PAK2: variants seen among roughly 807,000 people sequenced by gnomAD.
PAK2 encodes the protein serine/threonine-protein kinase PAK 2.
A neutral mutation model predicts 65.9 loss-of-function variants in PAK2; 21 were observed. The ratio of observed to expected loss-of-function variants is 0.32; its 90% CI spans 0.23 to 0.46. PAK2 has a LOEUF of 0.46. PAK2 is among the 20% of genes least tolerant of loss of function. PAK2 has a pLI of 1.00. For synonymous variants in PAK2, 204 were observed against 219.7 expected, an observed-to-expected ratio of 0.93 and a Z score of 0.63; for missense variants, 324 against 642.6, an observed-to-expected ratio of 0.50 and a Z score of 5.36.
At position 196,804,790 on chromosome 3, in the gene PAK2, A is replaced by ATG. The variant is rs368201549; in HGVS notation, c.437-547_437-546dup. ...GGCCTGTGCGTATGTAATATGTGAT[A>ATG]TGTGTGTGTGTGTGTGATATATATA... On this transcript the variant is annotated intron_variant, in intron 4 of 14. Coordinates refer to ENST00000327134, the MANE Select transcript of PAK2 (RefSeq NM_002577.4). Among the ~76,000 whole-genome samples the ATG allele has an allele frequency of 2.1e-3, 278 of 133,196 alleles. 1 individual carries two copies. Among genetic ancestry groups the ATG allele is most frequent in the African/African-American group, 7.5e-3 (254 of 34,024 alleles). The allele number at this position is 133,196 out of a possible 152,430, so 87.4% of individuals were successfully genotyped here.
intron 1 of PAK2, among the ~76,000 whole-genome samples, chr3:196,740,910 G>A (rs1485202737): frequency 6.6e-6 from 1 of 151,824 alleles, no homozygotes; most frequent in Non-Finnish European, 1.5e-5. Flanking sequence ...ATTCTTTAAA[G>A]ATAAGTCATC....
At chr3:196,804,821 A>G (rs1715531768) in intron 4 of PAK2, among the ~76,000 whole-genome samples, 1 of 34,338 alleles carries the variant, frequency 2.9e-5, no homozygotes, top group Non-Finnish European at 4.7e-5. Flanking sequence ...ATATATATAT[A>G]TATACACATA....
intron 2 of PAK2, among the ~76,000 whole-genome samples, chr3:196,796,987 C>T (rs191104153): frequency 6.6e-5 from 10 of 152,224 alleles, no homozygotes; most frequent in Admixed American, 1.3e-4. Flanking sequence ...CAATTATAAT[C>T]GGAGATTCCA....
chr3:196,797,568 A>G (rs1050309206), intron 2 of PAK2, among the ~76,000 whole-genome samples: 5 of 152,114 alleles, frequency 3.3e-5, no homozygotes, highest in Non-Finnish European at 7.4e-5. Context: ...CCTGACCAAC[A>G]TGGTGAAACC....
At position 196,829,414 on chromosome 3, in the gene PAK2, C is replaced by A; in HGVS notation, c.*1009C>A. On this transcript the variant is annotated 3_prime_UTR_variant, in exon 15 of 15. Coordinates refer to ENST00000327134, the MANE Select transcript of PAK2 (RefSeq NM_002577.4). Reference sequence around the variant, plus strand: ...CTCTCACCTCACAGATACCCCCTCCCATGGCAAATAATATAATAACCAGTG... The same window carrying A: ...CTCTCACCTCACAGATACCCCCTCCAATGGCAAATAATATAATAACCAGTG... The A allele has an allele frequency of 6.6e-6, 1 of 152,574 alleles. No homozygotes were observed. The allele number at this position is 152,574 out of a possible 1,614,324, so 9.5% of individuals were successfully genotyped here.
At chr3:196,815,640 A>C (rs1715997068) in intron 11 of PAK2, among the ~76,000 whole-genome samples, 1 of 151,948 alleles carries the variant, frequency 6.6e-6, no homozygotes, top group South Asian at 2.1e-4. Context: ...TACAAAAATT[A>C]GCTGGGTGTG....
chr3:196,807,469 T>C (rs938166444), intron 6 of PAK2, among the ~76,000 whole-genome samples: 9 of 152,226 alleles, frequency 5.9e-5, no homozygotes, highest in Non-Finnish European at 1.2e-4. Flanking sequence ...AGTAAAAACA[T>C]GATTTTTAAA....
rs367844880 is a variant in PAK2 at position 196,777,446 on chromosome 3, C to G, written c.-21-5180C>G. Among the ~76,000 whole-genome samples the G allele has an allele frequency of 3.9e-5, 6 of 152,228 alleles. No individual in the cohort carries two copies. In the East Asian group the frequency reaches 9.6e-4, roughly 24 times the overall value. On this transcript the variant is annotated intron_variant, in intron 1 of 14. Coordinates refer to ENST00000327134, the MANE Select transcript of PAK2 (RefSeq NM_002577.4). Reference sequence around the variant, plus strand: ...CTCGAACTCCTGACCTCAAGTAATCCCCCGACCTTGGCCTCCCAAAGTGCT... The same window carrying G: ...CTCGAACTCCTGACCTCAAGTAATCGCCCGACCTTGGCCTCCCAAAGTGCT...
intron 1 of PAK2, among the ~76,000 whole-genome samples, chr3:196,759,524 T>TTTTTTTTTTTTTTTG (rs1560092899): frequency 2.2e-5 from 3 of 134,830 alleles, no homozygotes; most frequent in Admixed American, 7.7e-5. Context: ...TTTTTTTTTT[T>TTTTTTTTTTTTTTTG]TTTTTTTTTT....
intron 1 of PAK2, among the ~76,000 whole-genome samples, chr3:196,742,867 T>C (rs554639684): frequency 0.015 from 2,278 of 152,060 alleles, 49 homozygotes; most frequent in African/African-American, 0.052. Context: ...TTGCAGTGAG[T>C]CGAGATCGCG....
At chr3:196,752,124 T>C (rs1336781546) in intron 1 of PAK2, among the ~76,000 whole-genome samples, 3 of 152,150 alleles carry the variant, frequency 2.0e-5, no homozygotes, top group Admixed American at 2.0e-4. Flanking sequence ...GTATTAGAAC[T>C]CTGAGACAGT....
At chr3:196,797,236 G>A (rs901655165) in intron 2 of PAK2, among the ~76,000 whole-genome samples, 1 of 152,128 alleles carries the variant, frequency 6.6e-6, no homozygotes, top group East Asian at 1.9e-4. Flanking sequence ...AGGCTGAGGC[G>A]GGCAGATCAC....
At chr3:196,800,340 C>T (rs757657542) in intron 2 of PAK2, among the ~76,000 whole-genome samples, 1 of 152,024 alleles carries the variant, frequency 6.6e-6, no homozygotes, top group Non-Finnish European at 1.5e-5. Flanking sequence ...TGAGATCACG[C>T]CACTGCACTC....
At chr3:196,751,671 ATAC>A (rs1713594510) in intron 1 of PAK2, among the ~76,000 whole-genome samples, 3 of 27,450 alleles carry the variant, frequency 1.1e-4, no homozygotes, top group Non-Finnish European at 2.2e-4. Flanking sequence ...ATTTATTTAT[ATAC>A]ATATATATAT....
At chr3:196,789,792 G>T (rs4916549) in intron 2 of PAK2, among the ~76,000 whole-genome samples, 3 of 151,370 alleles carry the variant, frequency 2.0e-5, no homozygotes, top group Non-Finnish European at 3.0e-5. Context: ...TGGGGCTGAC[G>T]GGGGGGTGGT....
At chr3:196,808,967 T>C (rs1310125389) in intron 7 of PAK2, among the ~76,000 whole-genome samples, 2 of 151,932 alleles carry the variant, frequency 1.3e-5, no homozygotes, top group Non-Finnish European at 2.9e-5. Flanking sequence ...CTGGGCATAG[T>C]GGCTCAAACC....
intron 1 of PAK2, among the ~76,000 whole-genome samples, chr3:196,778,340 T>C (rs1714601874): frequency 1.3e-5 from 2 of 152,246 alleles, no homozygotes; most frequent in Non-Finnish European, 2.9e-5. Context: ...TTATGAATGC[T>C]TCTGTGAACA....
chr3:196,810,994 T>C (rs1715764797), intron 8 of PAK2, among the ~76,000 whole-genome samples: 1 of 152,060 alleles, frequency 6.6e-6, no homozygotes, highest in East Asian at 1.9e-4. Flanking sequence ...AATCATGTCA[T>C]TGTGTATTGA....
chr3:196,807,937 C>T, intron 7 of PAK2, 23 bp downstream of exon 7: 1 of 1,576,950 alleles, frequency 6.3e-7, no homozygotes, highest in Non-Finnish European at 8.7e-7. Context: ...CATTTTACAT[C>T]ATTGTTAAAT....
Sources: allele counts gnomAD v4.1 joint callset (sites outside exome capture counted in the v4.1 genomes callset), GRCh38; gene constraint gnomAD v4.1.1; transcripts MANE v1.5; gene names NCBI Gene and HGNC (gene_info 2026-07-23, HGNC 2026-07-21).